The following VPS9D1 variants were observed in gnomAD, a reference collection of about 807,000 sequenced individuals.
VPS9D1 encodes VPS9 domain-containing protein 1.
In VPS9D1, 78 loss-of-function variants were observed where a neutral mutation model predicts 75.8. The observed-to-expected ratio is 1.03, with a 90% CI of 0.86 to 1.24. The LOEUF (loss-of-function observed/expected upper bound fraction) is 1.24, where lower values mean the gene tolerates loss of function less well. Ranked by LOEUF, VPS9D1 falls within the 50% of genes most tolerant of loss-of-function variation. The pLI, the probability that VPS9D1 is intolerant of heterozygous loss-of-function variation, is 0.00. For synonymous variants in VPS9D1, 481 were observed against 385.6 expected (o/e 1.25, Z -2.90); for missense variants, 1,057 against 847.7 (o/e 1.25, Z -3.07).
chr16:89,716,883 A>T (rs1215097307), intron 2 of VPS9D1, 61 bp from the exon 3 acceptor site: 1 of 1,464,546 alleles, frequency 6.8e-7, no homozygotes, highest in South Asian at 1.3e-5. Flanking sequence ...TACTGCTGAG[A>T]TAAAATGAGG....
intron 2 of VPS9D1, chr16:89,717,593 T>C (rs1395721424): frequency 4.4e-6 from 2 of 456,320 alleles, no homozygotes; most frequent in African/African-American, 2.0e-5. Flanking sequence ...AAACTTCTCA[T>C]AGACTCCCAT....
intron 4 of VPS9D1, 55 bp downstream of exon 4, chr16:89,716,407 C>T: frequency 6.2e-7 from 1 of 1,603,794 alleles, no homozygotes; most frequent in Non-Finnish European, 8.5e-7. Flanking sequence ...TCATCTTTCT[C>T]AGCCTCAAAA....
chr16:89,713,000 C>A, intron 4 of VPS9D1: 1 of 244,188 alleles, frequency 4.1e-6, no homozygotes, highest in South Asian at 8.0e-5. Context: ...GCCTGGCCAA[C>A]ATGGTGAAAC....
chr16:89,717,820 T>A (rs1320204190), intron 2 of VPS9D1: 1 of 456,668 alleles, frequency 2.2e-6, no homozygotes, highest in Admixed American at 2.3e-5. Context: ...GGGGCAACTG[T>A]TAGCTCCCCC....
In VPS9D1 at chr16:89,716,978, T is replaced by C. The variant is rs867094780; in HGVS notation, c.176-156A>G. On this transcript the variant is annotated intron_variant, in intron 2 of 14. Coordinates refer to ENST00000389386, the MANE Select transcript of VPS9D1 (RefSeq NM_004913.3). ...GCCCACTGCCCCCCCATCCCCTCACTGACCCTGGGCAAGCCCACTGCCCCC... is the reference window on the plus strand; with the variant it reads ...GCCCACTGCCCCCCCATCCCCTCACCGACCCTGGGCAAGCCCACTGCCCCC... 885 of 407,442 alleles carry C rather than the reference T, an allele frequency of 2.2e-3. 10 individuals carry two copies. In the African/African-American group the frequency reaches 0.053, roughly 24 times the overall value. The allele number at this position is 407,442 out of a possible 1,614,324, so 25.2% of individuals were successfully genotyped here. A position where few individuals can be genotyped will look rare whatever the true frequency, so the allele number is the denominator to read the frequency against.
At position 89,708,924 on chromosome 16, in the gene VPS9D1, C is replaced by G; in HGVS notation, c.1630G>C (p.Glu544Gln). Reference sequence around the variant, plus strand: ...GCCTCTGGGGTGGGGCAGTAGTCTTCCGCACAGACACAGATGATCCGCAGG... The same window carrying G: ...GCCTCTGGGGTGGGGCAGTAGTCTTGCGCACAGACACAGATGATCCGCAGG... ...RTLRIICVCA[E>Q]DYCPTPEATP... is the part of the protein sequence containing the mutation. The change falls in exon 13 of 15, where the codon GAA becomes CAA. Residue 544 changes from glutamate (E) to glutamine (Q), a missense_variant. Coordinates refer to ENST00000389386, the MANE Select transcript of VPS9D1 (RefSeq NM_004913.3). The G allele has an allele frequency of 6.2e-7, 1 of 1,604,050 alleles. No homozygotes were observed. Among genetic ancestry groups the G allele is most frequent in the South Asian group, 1.1e-5 (1 of 89,472 alleles).
At chr16:89,719,332 TGAGA>T (rs60695312) in intron 1 of VPS9D1, 7 of 606,508 alleles carry the variant, frequency 1.2e-5, no homozygotes, top group Non-Finnish European at 1.5e-5. Flanking sequence ...CATCAGGACC[TGAGA>T]GAGAGAGAGA....
intron 2 of VPS9D1, chr16:89,717,678 CGGT>C (rs1567552643): frequency 2.2e-6 from 1 of 456,566 alleles, no homozygotes; most frequent in East Asian, 7.0e-5. Context: ...TTGCCAGACA[CGGT>C]GGGCCACTGG....
At chr16:89,720,022 G>A (rs896834116) in intron 1 of VPS9D1, among the ~76,000 whole-genome samples, 2 of 152,064 alleles carry the variant, frequency 1.3e-5, no homozygotes, top group Admixed American at 1.3e-4. Context: ...CCAGCAATAT[G>A]CTATGTTTTT....
chr16:89,710,488 T>A, intron 10 of VPS9D1, 98 bp downstream of exon 10: 1 of 1,338,846 alleles, frequency 7.5e-7, no homozygotes, highest in Non-Finnish European at 1.0e-6. Context: ...GATCAGAGTC[T>A]CTGATCAACA....
Position 89,708,521 on chromosome 16 carries a change from CATCGGCACCACT to C in VPS9D1, c.1698-2_1707del, listed in dbSNP as rs2060840551. On this transcript the variant is annotated splice_acceptor_variant and coding_sequence_variant, in exon 14 of 15. Coordinates refer to ENST00000389386, the MANE Select transcript of VPS9D1 (RefSeq NM_004913.3). LOFTEE classifies it high-confidence loss of function. ...ACGAAGGACAGGATGGGCAGCAGGT[CATCGGCACCACT>C]GTCGGGAGGGCATAGCGGCCTTGGG... 6.2e-7 allele frequency: 1 copy of C among 1,612,798 alleles called. No individual in the cohort carries two copies. Among genetic ancestry groups the C allele is most frequent in the African/African-American group, 1.3e-5 (1 of 74,938 alleles).
At position 89,719,503 on chromosome 16, in the gene VPS9D1, GATTC is replaced by G. The variant is rs1259467535; in HGVS notation, c.100-405_100-402del. The G allele has an allele frequency of 8.0e-6, 3 of 375,156 alleles. No homozygotes were observed. The East Asian group carries it at 2.2e-4, about 27-fold the overall frequency. 23.2% of individuals were successfully genotyped at this position (375,156 alleles called of 1,614,324 possible). ...TTTCCTTCTTGTGCAACTCAAGGGT[GATTC>G]ATTCAGTGGCTTAAAAAAATACTTT... On this transcript the variant is annotated intron_variant, in intron 1 of 14. Coordinates refer to ENST00000389386, the MANE Select transcript of VPS9D1 (RefSeq NM_004913.3).
intron 4 of VPS9D1, among the ~76,000 whole-genome samples, 171 bp downstream of exon 4, chr16:89,716,291 G>A (rs561690105): frequency 5.3e-5 from 8 of 152,168 alleles, no homozygotes; most frequent in African/African-American, 7.2e-5. Context: ...GTGTGAACCC[G>A]GGAGGTGGAG....
chr16:89,710,697 G>A lies in VPS9D1; in HGVS notation c.1147C>T (p.Leu383=). The A allele has an allele frequency of 6.2e-7, 1 of 1,609,968 alleles. No individual in the cohort carries two copies. ...LPDKDSSFED[L]EQFLGTSERQ... is the part of the protein sequence containing the mutation. ...TCAGACGTCCCCAGGAACTGCTCCA[G>A]GTCCTCGAACGAGCTGTCCTTGTCT... The change falls in exon 10 of 15, where the codon CTG becomes TTG. Residue 383 remains leucine, a synonymous_variant. Transcript: ENST00000389386.
rs2060827856 is a variant in VPS9D1, at chr16:89,707,905, G to A, written c.1852C>T (p.Leu618=). The change falls in exon 15 of 15, where the codon CTG becomes TTG. Residue 618 remains leucine, a synonymous_variant. Transcript: ENST00000389386. ...GYCLTSLQSA[L]SYVELLPRGG... is the part of the protein sequence containing the mutation. ...CGGGGCAGCAGCTCCACGTAGCTCA[G>A]GGCACTCTGCAGTGATGTGAGGCAG... 1 of 1,613,040 alleles carries A rather than the reference G, an allele frequency of 6.2e-7. No homozygotes were observed. Among genetic ancestry groups the A allele is most frequent in the Non-Finnish European group, 8.5e-7 (1 of 1,179,970 alleles).
rs758623462 is a variant in VPS9D1, at chr16:89,708,536, C to T, written c.1698-5G>A. On this transcript the variant is annotated splice_region_variant and splice_polypyrimidine_tract_variant and intron_variant, in intron 13 of 14. Transcript: ENST00000389386. ...GGCAGCAGGTCATCGGCACCACTGT[C>T]GGGAGGGCATAGCGGCCTTGGGTTG... 156 of 1,611,894 alleles carry T rather than the reference C, an allele frequency of 9.7e-5. No individual in the cohort carries two copies. Among genetic ancestry groups the T allele is most frequent in the Middle Eastern group, 1.7e-4 (1 of 6,044 alleles).
chr16:89,720,059 C>T (rs1197789788), intron 1 of VPS9D1, among the ~76,000 whole-genome samples: 1 of 152,204 alleles, frequency 6.6e-6, no homozygotes, highest in Non-Finnish European at 1.5e-5. Flanking sequence ...TGTTAAGTTT[C>T]CTATCTTTAA....
intron 9 of VPS9D1, 70 bp downstream of exon 9, chr16:89,711,257 C>A: frequency 6.7e-7 from 1 of 1,495,470 alleles, no homozygotes. Context: ...CCCTCTCCGG[C>A]ACCTGGCACC....
chr16:89,711,307 G>T lies in VPS9D1; in HGVS notation c.833+20C>A. 1 of 1,596,272 alleles carries T rather than the reference G, an allele frequency of 6.3e-7. No homozygotes were observed. The highest frequency in any genetic ancestry group is 8.5e-7 in the Non-Finnish European group (1 of 1,171,308). On this transcript the variant is annotated intron_variant, in intron 9 of 14. Coordinates refer to ENST00000389386, the MANE Select transcript of VPS9D1 (RefSeq NM_004913.3). ...AAGGCCGGTGCGCAGGGGCTCTGTG[G>T]GGCCTGAAGGCCCAGCTACCTGAGC... is the stretch of plus-strand genomic sequence containing the variant.
Sources: allele counts gnomAD v4.1 joint callset (sites outside exome capture counted in the v4.1 genomes callset), GRCh38; gene constraint gnomAD v4.1.1; transcripts MANE v1.5; gene names NCBI Gene and HGNC (gene_info 2026-07-23, HGNC 2026-07-21).